FMN2: variants seen among roughly 807,000 people sequenced by gnomAD.
The protein encoded by FMN2 is formin-2.
Under a neutral mutation model 142.3 loss-of-function variants are expected in FMN2, and 51 were observed. The observed-to-expected ratio is 0.36, with a 90% CI of 0.29 to 0.45. The LOEUF (loss-of-function observed/expected upper bound fraction) is 0.45, where lower values mean the gene tolerates loss of function less well. FMN2 is among the 20% of genes least tolerant of loss of function. The pLI is 1.00. For missense variants in FMN2, 1,936 were observed against 2,122.8 expected, an observed-to-expected ratio of 0.91 and a Z score of 1.73; for synonymous variants, 882 against 869.8, an observed-to-expected ratio of 1.01 and a Z score of -0.25.
rs372839255 is a variant in FMN2, at chr1:240,207,176, T to G, written c.2364T>G (p.Ile788Met). The G allele has an allele frequency of 6.2e-7, 1 of 1,614,026 alleles. No homozygotes were observed. Among genetic ancestry groups the G allele is most frequent in the Non-Finnish European group, 8.5e-7 (1 of 1,179,964 alleles). The part of the protein sequence containing the change: ...QTKFCSEISL[I>M]VSPRRISVQL... ...AGTTCTGTTCAGAGATTTCTTTGAT[T>G]GTGTCTCCAAGGCGAATATCAGTCC... The change falls in exon 5 of 18, where the codon ATT becomes ATG. Residue 788 changes from isoleucine to methionine, a missense_variant. Physicochemically the swap from Ile to Met is conservative, Grantham distance 10. Coordinates refer to ENST00000319653, the MANE Select transcript of FMN2 (RefSeq NM_020066.5).
chr1:240,423,510 T>G (rs1256549119), intron 15 of FMN2, among the ~76,000 whole-genome samples: 2 of 152,230 alleles, frequency 1.3e-5, no homozygotes, highest in Non-Finnish European at 2.9e-5. Context: ...CTTTATGATC[T>G]TGGTTCTGCC....
At chr1:240,188,549 C>T (rs552416472) in intron 4 of FMN2, among the ~76,000 whole-genome samples, 9 of 152,256 alleles carry the variant, frequency 5.9e-5, no homozygotes, top group African/African-American at 1.7e-4. Context: ...CAGCAGGAAA[C>T]GGTGGCCACT....
chr1:240,342,686 A>G (rs985293456), intron 13 of FMN2, among the ~76,000 whole-genome samples: 2 of 152,190 alleles, frequency 1.3e-5, no homozygotes, highest in African/African-American at 4.8e-5. Context: ...GTAAAACAGA[A>G]TAATAAAATT....
intron 16 of FMN2, among the ~76,000 whole-genome samples, chr1:240,453,087 C>G (rs1651427957): frequency 6.6e-6 from 1 of 152,130 alleles, no homozygotes; most frequent in Non-Finnish European, 1.5e-5. Context: ...CTATACGCAC[C>G]CAATTGCTGA....
chr1:240,430,917 CT>C (rs113445996), intron 15 of FMN2, among the ~76,000 whole-genome samples: 8,729 of 149,418 alleles, frequency 0.058, 841 homozygotes, highest in African/African-American at 0.2. Context: ...AAATGTATTT[CT>C]TTTTTGCTAT....
chr1:240,169,198 T>G (rs1664601551), intron 2 of FMN2, among the ~76,000 whole-genome samples: 1 of 152,182 alleles, frequency 6.6e-6, no homozygotes, highest in South Asian at 2.1e-4. Flanking sequence ...TCCAACTATT[T>G]AGTTCTTTAG....
chr1:240,431,115 A>C (rs1006173066), intron 15 of FMN2, among the ~76,000 whole-genome samples: 5 of 151,844 alleles, frequency 3.3e-5, no homozygotes, highest in Admixed American at 3.3e-4. Flanking sequence ...GCTTTCTTTA[A>C]ATTCTCTCAA....
At chr1:240,409,645 C>G (rs1296636794) in intron 15 of FMN2, among the ~76,000 whole-genome samples, 1 of 152,146 alleles carries the variant, frequency 6.6e-6, no homozygotes, top group East Asian at 1.9e-4. Context: ...GTAACATATA[C>G]AGGCACAATT....
At chr1:240,160,559 G>C (rs1052034714) in intron 2 of FMN2, among the ~76,000 whole-genome samples, 9 of 151,296 alleles carry the variant, frequency 5.9e-5, no homozygotes, top group Non-Finnish European at 8.8e-5. Context: ...TTGATAAACT[G>C]TATCACCATT....
intron 8 of FMN2, among the ~76,000 whole-genome samples, chr1:240,304,657 C>A (rs1019179614): frequency 2.0e-5 from 3 of 152,236 alleles, no homozygotes; most frequent in African/African-American, 7.2e-5. Flanking sequence ...AGAGGCTCAA[C>A]AATGGCCTCC....
chr1:240,222,775 A>G (rs1462060229), intron 6 of FMN2, among the ~76,000 whole-genome samples: 1 of 152,148 alleles, frequency 6.6e-6, no homozygotes, highest in African/African-American at 2.4e-5. Flanking sequence ...GAGTTCACTC[A>G]TGATTTGGCT....
At chr1:240,437,742 G>T (rs1174680690) in intron 15 of FMN2, among the ~76,000 whole-genome samples, 1 of 152,096 alleles carries the variant, frequency 6.6e-6, no homozygotes, top group African/African-American at 2.4e-5. Flanking sequence ...GAAAGTATAG[G>T]CCCGCCACTT....
intron 6 of FMN2, among the ~76,000 whole-genome samples, chr1:240,228,333 G>GA (rs1176161325): frequency 6.1e-5 from 3 of 49,126 alleles, no homozygotes; most frequent in African/African-American, 3.0e-4. Flanking sequence ...AAAAAAAAAA[G>GA]AAAAAGAAAA....
chr1:240,152,507 C>T (rs765598696), intron 2 of FMN2, among the ~76,000 whole-genome samples: 2 of 152,024 alleles, frequency 1.3e-5, no homozygotes, highest in East Asian at 3.9e-4. Flanking sequence ...GTTTCCGTTT[C>T]CAAATTTGTC....
chr1:240,147,834 T>C (rs2355834), intron 2 of FMN2, among the ~76,000 whole-genome samples: 69,730 of 152,066 alleles, frequency 0.46, 17,239 homozygotes, highest in South Asian at 0.65. Context: ...ATTTATAAAA[T>C]GCAAATTCTT....
At chr1:240,358,398 C>T (rs761409549) in intron 14 of FMN2, among the ~76,000 whole-genome samples, 22 of 152,202 alleles carry the variant, frequency 1.4e-4, no homozygotes, top group Non-Finnish European at 3.1e-4. Flanking sequence ...AACATAGTCA[C>T]TCTCAAAGCT....
At chr1:240,152,982 A>G (rs569746184) in intron 2 of FMN2, among the ~76,000 whole-genome samples, 7 of 152,310 alleles carry the variant, frequency 4.6e-5, no homozygotes, top group African/African-American at 1.7e-4. Context: ...TAGTGTTTTC[A>G]TCTGTAAGAT....
intron 13 of FMN2, among the ~76,000 whole-genome samples, chr1:240,337,193 T>G (rs78178514): frequency 0.17 from 25,606 of 147,550 alleles, 2,959 homozygotes; most frequent in African/African-American, 0.31. Context: ...TATTAAAAAT[T>G]ATTCCTTTTC....
chr1:240,308,883 C>T (rs1670503305), intron 8 of FMN2, among the ~76,000 whole-genome samples: 1 of 152,098 alleles, frequency 6.6e-6, no homozygotes, highest in Admixed American at 6.5e-5. Context: ...GAAGGGATTG[C>T]CATTAGCTGA....
Sources: allele counts gnomAD v4.1 joint callset (sites outside exome capture counted in the v4.1 genomes callset), GRCh38; gene constraint gnomAD v4.1.1; transcripts MANE v1.5; gene names NCBI Gene and HGNC (gene_info 2026-07-23, HGNC 2026-07-21).